DDX17: variants seen among roughly 807,000 people sequenced by gnomAD.
DDX17 encodes DEAD-box helicase 17.
A neutral mutation model predicts 80.8 loss-of-function variants in DDX17; 10 were observed. The ratio of observed to expected loss-of-function variants is 0.12; its 90% CI spans 0.08 to 0.21. The LOEUF is 0.21. Among genes scored for constraint, DDX17 ranks in the 10% least tolerant of loss-of-function variants. DDX17 has a pLI of 1.00. For missense variants in DDX17, 586 were observed against 957.4 expected, an observed-to-expected ratio of 0.61 and a Z score of 5.12; for synonymous variants, 339 against 336.2, an observed-to-expected ratio of 1.01 and a Z score of -0.09.
chr22:38,495,089 G>A (rs1189053329), intron 6 of DDX17, 43 bp from the exon 7 acceptor site: 1 of 1,581,742 alleles, frequency 6.3e-7, no homozygotes, highest in Non-Finnish European at 8.6e-7. Flanking sequence ...ACTAGGTGCA[G>A]TGGCTCACAG....
chr22:38,495,263 T>TTTTTA, intron 6 of DDX17, among the ~76,000 whole-genome samples: 1 of 150,428 alleles, frequency 6.6e-6, no homozygotes. Context: ...TTTTTTTTTT[T>TTTTTA]GAGATGGAGT....
rs2145704192 is a variant in DDX17, at chr22:38,498,641, AC to A, written c.539-69del. The A allele has an allele frequency of 2.6e-6, 4 of 1,550,032 alleles. No individual in the cohort carries two copies. In the South Asian group the frequency reaches 4.5e-5, roughly 17 times the overall value. ...ACACAAACCAAGAGTTTTTAAAAAA[AC>A]TTTTAAGCTCACTGAAGATAAGATT... is the stretch of plus-strand genomic sequence containing the variant. On this transcript the variant is annotated intron_variant, in intron 3 of 12. Transcript: ENST00000403230.
chr22:38,485,536 C>T lies in DDX17; in HGVS notation c.*399G>A. 1 of 151,952 alleles carries T rather than the reference C, an allele frequency of 6.6e-6. No individual in the cohort carries two copies. Among genetic ancestry groups the T allele is most frequent in the Non-Finnish European group, 1.5e-5 (1 of 68,164 alleles). 9.4% of individuals were successfully genotyped at this position (151,952 alleles called of 1,614,324 possible). On this transcript the variant is annotated 3_prime_UTR_variant, in exon 13 of 13. Transcript: ENST00000403230. ...CAAAACAATTCAGCCCTCCCCCTCC[C>T]TCCCTCCCCACCAACTCAGAAAAAC...
chr22:38,486,312 G>A lies in DDX17; in HGVS notation c.1813C>T (p.Arg605Cys), dbSNP rs753419510. ...TAACCAGCTCTATCGGTTTCACTACGATCCCGATAGCTTGCAGAGTCTCTC... is the reference window on the plus strand; with the variant it reads ...TAACCAGCTCTATCGGTTTCACTACAATCCCGATAGCTTGCAGAGTCTCTC... The change falls in exon 13 of 13, where the codon CGT becomes TGT. Residue 605 changes from arginine (R) to cysteine (C), a missense_variant. Around this residue, in one of 4 missense-constraint regions of DDX17, gnomAD observed 221 missense variants for 261.4 expected, o/e 0.85. Transcript: ENST00000403230. 3 of 1,614,148 alleles carry A rather than the reference G, an allele frequency of 1.9e-6. No individual in the cohort carries two copies. The highest frequency in any genetic ancestry group is 2.5e-6 in the Non-Finnish European group (3 of 1,180,044).
At chr22:38,496,294 C>T (rs2089766294) in intron 5 of DDX17, among the ~76,000 whole-genome samples, 1 of 152,132 alleles carries the variant, frequency 6.6e-6, no homozygotes, top group South Asian at 2.1e-4. Context: ...ACCCCCAAAA[C>T]CAAAATGCTC....
In DDX17 at chr22:38,487,970, T is replaced by C. The variant is rs1339943006; in HGVS notation, c.1593A>G (p.Arg531=). 5.6e-6 allele frequency: 9 copies of C among 1,614,128 alleles called. No individual in the cohort carries two copies. The highest frequency in any genetic ancestry group is 7.6e-6 in the Non-Finnish European group (9 of 1,180,044). ...CCTCTTCCAGCACTTTGATAAGCTC[T>C]CTGGCCTGTTTTAGGTTCCCTGGGG... The change falls in exon 12 of 13, where the codon AGA becomes AGG. Residue 531 remains arginine, a synonymous_variant. Coordinates refer to ENST00000403230, the MANE Select transcript of DDX17 (RefSeq NM_006386.5).
chr22:38,503,164 C>T (rs982675790), intron 1 of DDX17, among the ~76,000 whole-genome samples: 3 of 152,138 alleles, frequency 2.0e-5, no homozygotes, highest in Non-Finnish European at 4.4e-5. Flanking sequence ...ATTTAATATG[C>T]CCCTCAGCTT....
intron 11 of DDX17, chr22:38,490,716 G>T: frequency 4.4e-6 from 1 of 227,908 alleles, no homozygotes; most frequent in Non-Finnish European, 9.0e-6. Context: ...GTAGGACATT[G>T]GTCAGAATTC....
Position 38,506,226 on chromosome 22 carries a change from G to A in DDX17, c.12C>T (p.Gly4=), listed in dbSNP as rs545714449. The change falls in exon 1 of 13, where the codon GGC becomes GGT. Residue 4 remains glycine (G), a synonymous_variant. Transcript: ENST00000403230. ...AAACACAGAGAATCGGGGCTACAAA[G>A]CCGGTGGGCAGGTTTGGCTACGCTC... The A allele has an allele frequency of 1.5e-5, 24 of 1,605,018 alleles. No individual in the cohort carries two copies. In the African/African-American group the frequency reaches 3.1e-4, roughly 21 times the overall value.
chr22:38,498,181 C>T lies in DDX17; in HGVS notation c.673-31G>A, dbSNP rs118095885. 1,429 of 1,603,402 alleles carry T rather than the reference C, an allele frequency of 8.9e-4. 36 individuals are homozygous for T. In the East Asian group the frequency reaches 0.031, roughly 34 times the overall value. ...GAGGGGGGAAAGAATGACAACCTTA[C>T]GCTTAGAAGTACAATCTTACTTAGA... On this transcript the variant is annotated intron_variant, in intron 4 of 12. Coordinates refer to ENST00000403230, the MANE Select transcript of DDX17 (RefSeq NM_006386.5).
rs367589736 is a variant in DDX17, at chr22:38,486,453, T to C, written c.1685-13A>G. The C allele has an allele frequency of 4.4e-6, 7 of 1,578,690 alleles. No individual in the cohort carries two copies. In the African/African-American group the frequency reaches 8.1e-5, roughly 18 times the overall value. The stretch of plus-strand genomic sequence containing the variant: ...CGAGAACGACCACCTAATGGGAAGA[T>C]ACAAGAAGATTTTTAATGGCAGATA... On this transcript the variant is annotated splice_polypyrimidine_tract_variant and intron_variant, in intron 12 of 12. Transcript: ENST00000403230.
intron 5 of DDX17, 130 bp from the exon 6 acceptor site, chr22:38,496,067 G>T: frequency 1.3e-6 from 1 of 799,072 alleles, no homozygotes; most frequent in Non-Finnish European, 1.8e-6. Flanking sequence ...AAAGTGATGG[G>T]GTGAAGATCA....
At position 38,493,778 on chromosome 22, in the gene DDX17, G is replaced by C. The variant is rs753716848; in HGVS notation, c.1326-7C>G. On this transcript the variant is annotated splice_region_variant and splice_polypyrimidine_tract_variant and intron_variant, in intron 9 of 12. Transcript: ENST00000403230. Reference sequence around the variant, plus strand: ...GATACACATAGCTGGCCAACTATCAGAAGAAAAGTGACCAATATTTTAAAA... The same window carrying C: ...GATACACATAGCTGGCCAACTATCACAAGAAAAGTGACCAATATTTTAAAA... The C allele has an allele frequency of 1.2e-6, 2 of 1,611,970 alleles. No homozygotes were observed. Among genetic ancestry groups the C allele is most frequent in the Non-Finnish European group, 1.7e-6 (2 of 1,178,586 alleles).
chr22:38,501,193 A>G lies in DDX17; in HGVS notation c.375T>C (p.Ser125=). Reference sequence around the variant, plus strand: ...AATTTTTCTCAAACTTGGGGAGCTCACTCAAATCCCACTTTTTTTTACGCA... The same window carrying G: ...AATTTTTCTCAAACTTGGGGAGCTCGCTCAAATCCCACTTTTTTTTACGCA... Residue 125 remains serine (S), a synonymous_variant, in exon 2 of 13, where the codon AGT becomes AGC. Transcript: ENST00000403230. The G allele has an allele frequency of 1.2e-6, 2 of 1,613,766 alleles. No individual in the cohort carries two copies. The highest frequency in any genetic ancestry group is 1.7e-6 in the Non-Finnish European group (2 of 1,179,952).
rs868646110 is a variant in DDX17 at position 38,501,257 on chromosome 22, C to T, written c.311G>A (p.Gly104Asp). ...ATTACCAAATTTCTTCGGGGGAAGG[C>T]CACCACCACCTCTTGCTCCAAATCT... Residue 104 changes from glycine to aspartate, a missense_variant, in exon 2 of 13, where the codon GGC (glycine) becomes GAC (aspartate). Gly to Asp is a moderately conservative substitution (Grantham distance 94). Around this residue, in one of 4 missense-constraint regions of DDX17, gnomAD observed 215 missense variants for 238.4 expected, o/e 0.90. Transcript: ENST00000403230. 5 of 1,610,622 alleles carry T rather than the reference C, an allele frequency of 3.1e-6. No individual in the cohort carries two copies. Among genetic ancestry groups the T allele is most frequent in the Non-Finnish European group, 4.2e-6 (5 of 1,178,606 alleles).
chr22:38,486,529 A>C (rs915293307), intron 12 of DDX17, 89 bp from the exon 13 acceptor site: 4 of 1,441,570 alleles, frequency 2.8e-6, no homozygotes, highest in Admixed American at 2.9e-5. Flanking sequence ...AAAAGTATTA[A>C]ACATGTCTCC....
At chr22:38,493,381 T>G (rs779915010) in intron 10 of DDX17, 3 of 201,630 alleles carry the variant, frequency 1.5e-5, no homozygotes, top group African/African-American at 2.3e-5. Flanking sequence ...GAGACAGGAT[T>G]TCACTATGTT....
In DDX17 at chr22:38,489,142, CA is replaced by C; in HGVS notation, c.1448-1028del. 1 of 984,644 alleles carries C rather than the reference CA, an allele frequency of 1.0e-6. No homozygotes were observed. Among genetic ancestry groups the C allele is most frequent in the Non-Finnish European group, 1.2e-6 (1 of 829,216 alleles). The allele number at this position is 984,644 out of a possible 1,614,324, so 61.0% of individuals were successfully genotyped here. Reference sequence around the variant, plus strand: ...TTTGTGGAAAAAAATCTGCATTTTACAAAGAATATTCAGAAAATATCCTAGA... The same window carrying C: ...TTTGTGGAAAAAAATCTGCATTTTACAAGAATATTCAGAAAATATCCTAGA... On this transcript the variant is annotated intron_variant, in intron 11 of 12. Transcript: ENST00000403230. The surrounding 1 kb of genome is among the most constrained non-coding windows in gnomAD (Gnocchi z 4.6).
intron 10 of DDX17, 147 bp downstream of exon 10, chr22:38,493,561 AAC>A: frequency 1.5e-6 from 1 of 652,060 alleles, no homozygotes; most frequent in Non-Finnish European, 2.8e-6. Flanking sequence ...GAGTGGCTAT[AAC>A]AGAGACCACC....
Sources: gnomAD v4.1 joint callset for allele counts (sites outside exome capture counted in the v4.1 genomes callset) on GRCh38, gnomAD v4.1.1 for gene constraint, gnomAD v4.1.1 regional missense constraint, Gnocchi (gnomAD v3.1) non-coding constraint, MANE v1.5 for transcripts, NCBI Gene and HGNC (gene_info 2026-07-23, HGNC 2026-07-21) for gene names.